The following ALMS1 variants were observed in gnomAD, a reference collection of about 807,000 sequenced individuals.
The protein encoded by ALMS1 is ALMS1 centrosome and basal body associated protein.
In ALMS1, 271 loss-of-function variants were observed where a neutral mutation model predicts 352.2. That is an observed-to-expected ratio of 0.77 (90% CI 0.70 to 0.85). The LOEUF (loss-of-function observed/expected upper bound fraction) is 0.85. Among genes scored for constraint, ALMS1 ranks in the 40% least tolerant of loss-of-function variants. The pLI is 0.00. For synonymous variants in ALMS1, 1,865 were observed against 1,761.2 expected, an observed-to-expected ratio of 1.06 and a Z score of -1.48; for missense variants, 5,445 against 4,870.7, an observed-to-expected ratio of 1.12 and a Z score of -3.51.
chr2:73,544,049 A>G (rs1430715895), intron 12 of ALMS1, among the ~76,000 whole-genome samples: 3 of 152,230 alleles, frequency 2.0e-5, no homozygotes, highest in Non-Finnish European at 4.4e-5. Context: ...TCATGCTGCT[A>G]TAAAGACACA....
At chr2:73,569,995 A>G (rs1674884941) in intron 15 of ALMS1, among the ~76,000 whole-genome samples, 1 of 152,242 alleles carries the variant, frequency 6.6e-6, no homozygotes, top group South Asian at 2.1e-4. Context: ...GGAAAGGTAC[A>G]AGAAGGGACA....
At chr2:73,575,937 G>T (rs1158156262) in intron 16 of ALMS1, among the ~76,000 whole-genome samples, 7 of 152,022 alleles carry the variant, frequency 4.6e-5, no homozygotes, top group Non-Finnish European at 7.4e-5. Context: ...CTTCTTAAGA[G>T]TTTAATAATT....
intron 12 of ALMS1, among the ~76,000 whole-genome samples, chr2:73,542,665 G>C (rs955067466): frequency 6.6e-6 from 1 of 152,280 alleles, no homozygotes; most frequent in African/African-American, 2.4e-5. Context: ...CTTCAGCAAA[G>C]TCACAGGATA....
intron 16 of ALMS1, 92 bp downstream of exon 16, chr2:73,573,516 T>C: frequency 7.3e-7 from 1 of 1,369,334 alleles, no homozygotes; most frequent in Admixed American, 1.9e-5. Context: ...AAACAAGCCA[T>C]TTGCCCTTTC....
chr2:73,514,012 G>A (rs1673506072), intron 10 of ALMS1, among the ~76,000 whole-genome samples: 1 of 152,112 alleles, frequency 6.6e-6, no homozygotes, highest in Non-Finnish European at 1.5e-5. Context: ...AGGGAGAATA[G>A]AAACACAGGA....
intron 2 of ALMS1, among the ~76,000 whole-genome samples, chr2:73,418,782 T>A (rs1053608360): frequency 1.3e-5 from 2 of 152,242 alleles, no homozygotes; most frequent in African/African-American, 2.4e-5. Flanking sequence ...TGTGCCATAA[T>A]ATACAAACTT....
At chr2:73,568,922 A>C (rs1674858773) in intron 15 of ALMS1, among the ~76,000 whole-genome samples, 1 of 140,996 alleles carries the variant, frequency 7.1e-6, no homozygotes, top group Non-Finnish European at 1.5e-5. Flanking sequence ...GATGATGGTG[A>C]TTATCAAATC....
chr2:73,455,065 G>A, intron 8 of ALMS1, 97 bp from the exon 9 acceptor site: 3 of 1,319,666 alleles, frequency 2.3e-6, no homozygotes, highest in Admixed American at 3.4e-5. Flanking sequence ...ATTGCAGTGG[G>A]TATTAAATTG....
Position 73,451,196 on chromosome 2 carries a change from G to GGCATACCAA in ALMS1, c.4669_4670insGCATACCAA (p.Ala1557delinsGlyIleProThr). The GGCATACCAA allele has an allele frequency of 6.2e-7, 1 of 1,613,936 alleles. No homozygotes were observed. The highest frequency in any genetic ancestry group is 2.2e-5 in the East Asian group (1 of 44,876). On this transcript the variant is annotated protein_altering_variant, in exon 8 of 23. Transcript: ENST00000613296. Reference sequence around the variant, plus strand: ...CAGAGTTTCTTCTGCTCCTGGACCAGCTGACCAGACAACTGGCATACCAAC... The same window carrying GGCATACCAA: ...CAGAGTTTCTTCTGCTCCTGGACCAGGCATACCAACTGACCAGACAACTGGCATACCAAC...
chr2:73,429,222 A>G (rs1671452773), intron 6 of ALMS1, among the ~76,000 whole-genome samples: 6 of 149,416 alleles, frequency 4.0e-5, no homozygotes, highest in African/African-American at 1.2e-4. Context: ...CCTACTTTCT[A>G]TCATTATTTT....
chr2:73,394,512 G>T (rs1010213766), intron 1 of ALMS1, among the ~76,000 whole-genome samples: 2 of 151,994 alleles, frequency 1.3e-5, no homozygotes, highest in Admixed American at 1.3e-4. Flanking sequence ...ACCATCCCTG[G>T]TTTATTTTTG....
Position 73,449,698 on chromosome 2 carries a change from T to A in ALMS1, c.3171T>A (p.Ser1057Arg). 6.2e-7 allele frequency: 1 copy of A among 1,614,054 alleles called. No homozygotes were observed. The highest frequency in any genetic ancestry group is 8.5e-7 in the Non-Finnish European group (1 of 1,179,964). The stretch of plus-strand genomic sequence containing the variant: ...CTTACCCACAGAGGGAGAAGCCTAG[T>A]GTTTTGTACCCACAGGTGTTATCAG... The part of the protein sequence containing the change: ...SSSYPQREKP[S>R]VLYPQVLSDS... The change falls in exon 8 of 23, where the codon AGT becomes AGA. Residue 1057 changes from serine to arginine, a missense_variant. Transcript: ENST00000613296.
At chr2:73,476,258 G>T (rs1432997546) in intron 9 of ALMS1, among the ~76,000 whole-genome samples, 2 of 151,982 alleles carry the variant, frequency 1.3e-5, no homozygotes, top group Non-Finnish European at 2.9e-5. Flanking sequence ...TTATTCCATT[G>T]TATGTGTATG....
Position 73,386,075 on chromosome 2 carries a change from CGACGAGGAG to C in ALMS1, c.218_226del (p.Asp73_Glu75del), listed in dbSNP as rs772848105. On this transcript the variant is annotated inframe_deletion, in exon 1 of 23. Coordinates refer to ENST00000613296, the MANE Select transcript of ALMS1 (RefSeq NM_001378454.1). ...GGCCCCAGCATCTGGAAAGTATAGA[CGACGAGGAG>C]GACGAGGAGGCCAAGGCCTGGCTGC... The C allele has an allele frequency of 1.6e-5, 25 of 1,596,344 alleles. No individual in the cohort carries two copies. The highest frequency in any genetic ancestry group is 4.5e-5 in the South Asian group (4 of 87,918).
At chr2:73,494,838 G>T (rs1216468750) in intron 10 of ALMS1, among the ~76,000 whole-genome samples, 1 of 152,192 alleles carries the variant, frequency 6.6e-6, no homozygotes, top group Non-Finnish European at 1.5e-5. Flanking sequence ...ACATTTGAGG[G>T]AGATTTTGTT....
At chr2:73,601,653 G>A (rs1356725351) in intron 19 of ALMS1, among the ~76,000 whole-genome samples, 3 of 152,184 alleles carry the variant, frequency 2.0e-5, no homozygotes, top group Admixed American at 6.5e-5. Flanking sequence ...CATCACCGTC[G>A]GGATCTGGGG....
At chr2:73,556,371 TAC>T (rs1158923312) in intron 13 of ALMS1, among the ~76,000 whole-genome samples, 3 of 152,046 alleles carry the variant, frequency 2.0e-5, no homozygotes, top group South Asian at 2.1e-4. Flanking sequence ...AAAATATACT[TAC>T]AGATAAAAAA....
chr2:73,507,558 G>A (rs1572982200), intron 10 of ALMS1, among the ~76,000 whole-genome samples: 1 of 152,254 alleles, frequency 6.6e-6, no homozygotes, highest in South Asian at 2.1e-4. Context: ...TAGTTTATTT[G>A]CGTAGAGGTG....
At chr2:73,571,804 T>A (rs77765689) in intron 15 of ALMS1, among the ~76,000 whole-genome samples, 2,500 of 152,210 alleles carry the variant, frequency 0.016, 65 homozygotes, top group African/African-American at 0.056. Flanking sequence ...AAGGGTTTTT[T>A]AAAAAATTTA....
Sources: allele counts gnomAD v4.1 joint callset (sites outside exome capture counted in the v4.1 genomes callset), GRCh38; gene constraint gnomAD v4.1.1; transcripts MANE v1.5; gene names NCBI Gene and HGNC (gene_info 2026-07-23, HGNC 2026-07-21).